The following METTL24 variants were observed in gnomAD, a reference collection of about 807,000 sequenced individuals.
METTL24 encodes the protein probable methyltransferase-like protein 24.
Under a neutral mutation model 32.7 loss-of-function variants are expected in METTL24, and 29 were observed. The observed-to-expected ratio is 0.89, with a 90% CI of 0.66 to 1.21. The LOEUF (loss-of-function observed/expected upper bound fraction) is 1.21, where lower values mean the gene tolerates loss of function less well. Among genes scored for constraint, METTL24 ranks in the 50% most tolerant of loss-of-function variants. The probability of loss-of-function intolerance (pLI) is 0.00; values close to 1 mark genes in which losing one functional copy is unlikely to be tolerated. For missense variants in METTL24, 439 were observed against 468.1 expected, an observed-to-expected ratio of 0.94 and a Z score of 0.57; for synonymous variants, 163 against 179.5, an observed-to-expected ratio of 0.91 and a Z score of 0.73.
intron 2 of METTL24, among the ~76,000 whole-genome samples, chr6:110,319,414 G>A (rs369852241): frequency 8.8e-6 from 1 of 114,210 alleles, no homozygotes; most frequent in Non-Finnish European, 1.8e-5. Flanking sequence ...TAGGTAGAGA[G>A]GTAGAGATAG....
At chr6:110,281,380 C>T (rs1582398980) in intron 4 of METTL24, among the ~76,000 whole-genome samples, 1 of 152,040 alleles carries the variant, frequency 6.6e-6, no homozygotes, top group Non-Finnish European at 1.5e-5. Flanking sequence ...GAGTGGCTCA[C>T]ACCTGTAATC....
At chr6:110,352,086 T>C (rs1015941928) in intron 1 of METTL24, among the ~76,000 whole-genome samples, 7 of 152,214 alleles carry the variant, frequency 4.6e-5, no homozygotes, top group Admixed American at 1.3e-4. Context: ...GTTAACTAAG[T>C]CTATTCCCCT....
chr6:110,309,302 C>T (rs999848556), intron 3 of METTL24, among the ~76,000 whole-genome samples: 6 of 152,164 alleles, frequency 3.9e-5, no homozygotes, highest in African/African-American at 1.4e-4. Flanking sequence ...GGCCAAATAA[C>T]TACCTAGATC....
chr6:110,277,734 T>C (rs1771071669), intron 4 of METTL24, among the ~76,000 whole-genome samples: 2 of 152,172 alleles, frequency 1.3e-5, no homozygotes, highest in Admixed American at 6.6e-5. Context: ...TAATCTCTTA[T>C]TCTACATCTT....
At chr6:110,274,246 C>A (rs562864419) in intron 4 of METTL24, among the ~76,000 whole-genome samples, 1 of 152,162 alleles carries the variant, frequency 6.6e-6, no homozygotes, top group Admixed American at 6.6e-5. Context: ...GTGCCCACCA[C>A]TATGCCCAGC....
At chr6:110,308,048 CTTGA>C (rs1199273546) in intron 3 of METTL24, among the ~76,000 whole-genome samples, 1 of 152,216 alleles carries the variant, frequency 6.6e-6, no homozygotes, top group African/African-American at 2.4e-5. Flanking sequence ...GTGGAGCCAT[CTTGA>C]TCCTCTTTCT....
chr6:110,309,708 G>A (rs1771683820), intron 3 of METTL24, among the ~76,000 whole-genome samples: 1 of 152,104 alleles, frequency 6.6e-6, no homozygotes, highest in Non-Finnish European at 1.5e-5. Flanking sequence ...AACAGCATGG[G>A]AAAGACCTGC....
intron 4 of METTL24, among the ~76,000 whole-genome samples, chr6:110,288,923 C>T (rs756372982): frequency 6.6e-6 from 1 of 152,160 alleles, no homozygotes; most frequent in Non-Finnish European, 1.5e-5. Flanking sequence ...CTGAAATAAA[C>T]TAACAACCAC....
chr6:110,245,270 C>A lies in METTL24; in HGVS notation c.*676G>T, dbSNP rs1387136305. On this transcript the variant is annotated 3_prime_UTR_variant, in exon 5 of 5. Coordinates refer to ENST00000338882, the MANE Select transcript of METTL24 (RefSeq NM_001123364.3). The stretch of plus-strand genomic sequence containing the variant: ...AATTCTCTGTCTGGCTGTCTTCAAG[C>A]TGGGACATGGGTCTTGGTGAGGTCA... Among the ~76,000 whole-genome samples, 2 of 152,140 alleles carry A rather than the reference C, an allele frequency of 1.3e-5. No individual in the cohort carries two copies. Among genetic ancestry groups the A allele is most frequent in the African/African-American group, 4.8e-5 (2 of 41,436 alleles).
intron 1 of METTL24, among the ~76,000 whole-genome samples, chr6:110,334,571 T>C (rs1005334540): frequency 1.3e-5 from 2 of 152,192 alleles, no homozygotes; most frequent in African/African-American, 4.8e-5. Flanking sequence ...CATAAAGTGC[T>C]CTGCCACGAG....
intron 4 of METTL24, among the ~76,000 whole-genome samples, chr6:110,252,866 A>C (rs1778307975): frequency 6.6e-6 from 1 of 152,170 alleles, no homozygotes; most frequent in Non-Finnish European, 1.5e-5. Flanking sequence ...AAGCCTAGAA[A>C]GGCTTCATGC....
chr6:110,269,312 G>A (rs766414080), intron 4 of METTL24, among the ~76,000 whole-genome samples: 15 of 152,162 alleles, frequency 9.9e-5, no homozygotes, highest in Non-Finnish European at 1.6e-4. Context: ...TCTGAAATCT[G>A]TTTCTGGTGA....
intron 4 of METTL24, among the ~76,000 whole-genome samples, chr6:110,268,732 G>C (rs1176347568): frequency 2.0e-5 from 3 of 152,014 alleles, no homozygotes; most frequent in Non-Finnish European, 4.4e-5. Flanking sequence ...GGCATAATTT[G>C]GGGCTGGGAC....
chr6:110,319,734 C>T (rs1771897051), intron 2 of METTL24, among the ~76,000 whole-genome samples: 1 of 152,042 alleles, frequency 6.6e-6, no homozygotes, highest in Admixed American at 6.5e-5. Context: ...AAAATAGTAC[C>T]TAATTAAGCT....
At chr6:110,350,488 A>C (rs1772573014) in intron 1 of METTL24, among the ~76,000 whole-genome samples, 1 of 152,142 alleles carries the variant, frequency 6.6e-6, no homozygotes, top group Admixed American at 6.5e-5. Context: ...TGCCCTGAAG[A>C]AATTTTCAGA....
intron 2 of METTL24, among the ~76,000 whole-genome samples, chr6:110,319,675 C>T (rs73524871): frequency 0.16 from 23,630 of 151,604 alleles, 2,388 homozygotes; most frequent in African/African-American, 0.27. Flanking sequence ...CAGTGTACCA[C>T]GGACTACAGA....
intron 2 of METTL24, among the ~76,000 whole-genome samples, chr6:110,317,049 C>T (rs1419071139): frequency 6.6e-6 from 1 of 152,190 alleles, no homozygotes; most frequent in African/African-American, 2.4e-5. Flanking sequence ...CTATCCCCTC[C>T]GGCTGGCCTG....
chr6:110,276,112 A>G (rs1771042555), intron 4 of METTL24, among the ~76,000 whole-genome samples: 1 of 152,148 alleles, frequency 6.6e-6, no homozygotes, highest in African/African-American at 2.4e-5. Flanking sequence ...GCCAAGCATC[A>G]TGAACAACTA....
intron 1 of METTL24, among the ~76,000 whole-genome samples, chr6:110,339,476 C>A (rs1214598299): frequency 1.3e-5 from 2 of 152,012 alleles, no homozygotes; most frequent in Admixed American, 6.6e-5. Context: ...GAGGTAACTG[C>A]AAAAAAGAAT....
Sources: allele counts gnomAD v4.1 joint callset (sites outside exome capture counted in the v4.1 genomes callset), GRCh38; gene constraint gnomAD v4.1.1; transcripts MANE v1.5; gene names NCBI Gene and HGNC (gene_info 2026-07-23, HGNC 2026-07-21).